The following XKR4 variants were observed in gnomAD, a reference collection of about 807,000 sequenced individuals.
The protein encoded by XKR4 is XK-related protein 4.
A neutral mutation model predicts 53.9 loss-of-function variants in XKR4; 12 were observed. The ratio of observed to expected loss-of-function variants is 0.22; its 90% CI spans 0.14 to 0.36. The LOEUF (loss-of-function observed/expected upper bound fraction) is 0.36. Among genes scored for constraint, XKR4 ranks in the 10% least tolerant of loss-of-function variants. The pLI, the probability that XKR4 is intolerant of heterozygous loss-of-function variation, is 1.00. For synonymous variants in XKR4, 354 were observed against 362.4 expected, an observed-to-expected ratio of 0.98 and a Z score of 0.26; for missense variants, 799 against 859.5, an observed-to-expected ratio of 0.93 and a Z score of 0.88.
chr8:55,129,013 C>T (rs984100791), intron 1 of XKR4, among the ~76,000 whole-genome samples: 2 of 152,124 alleles, frequency 1.3e-5, no homozygotes, highest in African/African-American at 4.8e-5. Flanking sequence ...CCACAGGAGA[C>T]CTGGAAGCTT....
chr8:55,447,275 A>T (rs80025927), intron 2 of XKR4, among the ~76,000 whole-genome samples: 1 of 152,226 alleles, frequency 6.6e-6, no homozygotes, highest in East Asian at 1.9e-4. Context: ...TGAAAAGAGG[A>T]TATGACTTCT....
chr8:55,164,724 A>C, intron 1 of XKR4: 1 of 256,364 alleles, frequency 3.9e-6, no homozygotes, highest in Non-Finnish European at 7.9e-6. Context: ...TAATAATACC[A>C]TTACCAATTG....
At chr8:55,290,082 T>C (rs1266093635) in intron 1 of XKR4, among the ~76,000 whole-genome samples, 1 of 152,056 alleles carries the variant, frequency 6.6e-6, no homozygotes, top group Non-Finnish European at 1.5e-5. Flanking sequence ...ATTTTCCTAG[T>C]GACCAATAAT....
intron 1 of XKR4, among the ~76,000 whole-genome samples, chr8:55,244,852 T>C (rs555383135): frequency 7.9e-5 from 12 of 152,178 alleles, no homozygotes; most frequent in Admixed American, 6.5e-4. Context: ...GCTGGCTGCA[T>C]GTATATCTTC....
chr8:55,463,788 G>A (rs1805705029), intron 2 of XKR4, among the ~76,000 whole-genome samples: 3 of 152,040 alleles, frequency 2.0e-5, no homozygotes, highest in Admixed American at 2.0e-4. Context: ...AAATGATAAA[G>A]GGGATATCAC....
intron 2 of XKR4, among the ~76,000 whole-genome samples, chr8:55,434,443 A>G (rs377750149): frequency 1.7e-5 from 2 of 116,462 alleles, no homozygotes; most frequent in African/African-American, 6.9e-5. Context: ...GTGTGTGTGT[A>G]TGCAGAAATG....
chr8:55,419,373 G>A (rs765258414), intron 2 of XKR4, among the ~76,000 whole-genome samples: 15 of 152,146 alleles, frequency 9.9e-5, no homozygotes, highest in Non-Finnish European at 1.8e-4. Flanking sequence ...CAACAAGAGC[G>A]AAACTCCATC....
At chr8:55,430,032 A>C (rs185567490) in intron 2 of XKR4, among the ~76,000 whole-genome samples, 1 of 152,374 alleles carries the variant, frequency 6.6e-6, no homozygotes. Flanking sequence ...TAAGCATATG[A>C]AAAGATGCTC....
At chr8:55,429,071 G>A (rs1055329023) in intron 2 of XKR4, among the ~76,000 whole-genome samples, 2 of 152,144 alleles carry the variant, frequency 1.3e-5, no homozygotes, top group African/African-American at 2.4e-5. Context: ...ATAGATCAAT[G>A]GAACTAACAC....
intron 1 of XKR4, among the ~76,000 whole-genome samples, chr8:55,162,299 G>A (rs1048601149): frequency 6.6e-6 from 1 of 152,124 alleles, no homozygotes; most frequent in Non-Finnish European, 1.5e-5. Context: ...TTGACATCCA[G>A]CACTGTCCAG....
chr8:55,354,414 A>G (rs1187014341), intron 1 of XKR4, among the ~76,000 whole-genome samples: 1 of 152,222 alleles, frequency 6.6e-6, no homozygotes, highest in Non-Finnish European at 1.5e-5. Context: ...AATAGATTCC[A>G]AACTGAGTAG....
chr8:55,123,485 C>A (rs1816419538), intron 1 of XKR4, among the ~76,000 whole-genome samples: 1 of 152,202 alleles, frequency 6.6e-6, no homozygotes, highest in South Asian at 2.1e-4. Flanking sequence ...CCTTTGAGCC[C>A]AGAGCATAGG....
intron 2 of XKR4, chr8:55,454,396 C>G: frequency 1.4e-6 from 2 of 1,406,606 alleles, no homozygotes; most frequent in East Asian, 2.3e-5. Context: ...TGAGAGGAAA[C>G]AGCAATGCCA....
intron 1 of XKR4, among the ~76,000 whole-genome samples, chr8:55,304,381 T>C (rs996789458): frequency 6.6e-6 from 1 of 152,196 alleles, no homozygotes; most frequent in Non-Finnish European, 1.5e-5. Flanking sequence ...ATAATTTGTG[T>C]TCTTTTACAT....
intron 1 of XKR4, among the ~76,000 whole-genome samples, chr8:55,351,603 A>G (rs925716696): frequency 1.3e-5 from 2 of 152,232 alleles, no homozygotes; most frequent in African/African-American, 4.8e-5. Context: ...TTCTGTTAGA[A>G]TTGCAAGGAA....
chr8:55,380,076 A>G (rs1271347167), intron 2 of XKR4, among the ~76,000 whole-genome samples: 1 of 152,232 alleles, frequency 6.6e-6, no homozygotes, highest in South Asian at 2.1e-4. Context: ...TTAAACACAC[A>G]GTCCCGTGGC....
At chr8:55,413,887 G>A (rs1464892779) in intron 2 of XKR4, among the ~76,000 whole-genome samples, 1 of 152,136 alleles carries the variant, frequency 6.6e-6, no homozygotes, top group Non-Finnish European at 1.5e-5. Flanking sequence ...GTAAAACATT[G>A]CTTTGCTACT....
chr8:55,455,043 C>T (rs945228381), intron 2 of XKR4: 8 of 734,430 alleles, frequency 1.1e-5, no homozygotes, highest in Non-Finnish European at 1.8e-5. Flanking sequence ...CAGTCCTTCT[C>T]CGGGAAGAAC....
chr8:55,215,674 G>T (rs576892247), intron 1 of XKR4, among the ~76,000 whole-genome samples: 6 of 152,216 alleles, frequency 3.9e-5, no homozygotes, highest in Admixed American at 3.3e-4. Context: ...CTTATTTGAT[G>T]CAGGAAAAAA....
Sources: gnomAD v4.1 joint callset for allele counts (sites outside exome capture counted in the v4.1 genomes callset) on GRCh38, gnomAD v4.1.1 for gene constraint, MANE v1.5 for transcripts, NCBI Gene and HGNC (gene_info 2026-07-23, HGNC 2026-07-21) for gene names.